MAST4: variants seen among roughly 807,000 people sequenced by gnomAD.
MAST4 encodes the protein microtubule associated serine/threonine kinase family member 4.
In MAST4, 89 loss-of-function variants were observed where a neutral mutation model predicts 162.7. The observed-to-expected ratio is 0.55, with a 90% confidence interval of 0.46 to 0.65. The LOEUF (loss-of-function observed/expected upper bound fraction) is 0.65. MAST4 is among the 30% of genes least tolerant of loss of function. MAST4 has a pLI of 0.00. For missense variants in MAST4, 3,153 were observed against 3,374.0 expected (o/e 0.93, Z 1.62); for synonymous variants, 1,479 against 1,361.1 (o/e 1.09, Z -1.91).
At chr5:66,710,864 T>C (rs1750452650) in intron 1 of MAST4, among the ~76,000 whole-genome samples, 1 of 152,236 alleles carries the variant, frequency 6.6e-6, no homozygotes, top group Non-Finnish European at 1.5e-5. Context: ...ATTTGTTCTT[T>C]ATGTATCATA....
At position 66,788,730 on chromosome 5, in the gene MAST4, C is replaced by G; in HGVS notation, c.578C>G (p.Ser193Cys). 1 of 1,613,382 alleles carries G rather than the reference C, an allele frequency of 6.2e-7. No individual in the cohort carries two copies. Among genetic ancestry groups the G allele is most frequent in the Non-Finnish European group, 8.5e-7 (1 of 1,179,530 alleles). Residue 193 changes from serine (S) to cysteine (C), a missense_variant, in exon 3 of 29, where the codon TCC (serine) becomes TGC (cysteine). Transcript: ENST00000403625. ...GQAWPASAET[S>C]NLVRMRSQAL... ...GCCTGGCCGGCCTCTGCAGAGACGT[C>G]CAACCTCGTGCGCATGCGCAGCCAG...
intron 3 of MAST4, among the ~76,000 whole-genome samples, chr5:66,854,403 C>T (rs1016089044): frequency 1.3e-5 from 2 of 152,164 alleles, no homozygotes; most frequent in Non-Finnish European, 2.9e-5. Flanking sequence ...TTTTGTGAAT[C>T]AGGAATCCAG....
chr5:67,041,872 G>T (rs565554344), intron 4 of MAST4, among the ~76,000 whole-genome samples: 2 of 152,280 alleles, frequency 1.3e-5, no homozygotes, highest in African/African-American at 4.8e-5. Context: ...CAAGTGATCT[G>T]CCTGCCTTGG....
chr5:67,069,318 T>C (rs929526968), intron 5 of MAST4, among the ~76,000 whole-genome samples: 1 of 71,026 alleles, frequency 1.4e-5, no homozygotes, highest in Non-Finnish European at 2.7e-5. Flanking sequence ...ATATAAAATT[T>C]TAAAATATTC....
intron 4 of MAST4, among the ~76,000 whole-genome samples, chr5:66,907,044 C>G (rs1252210534): frequency 6.6e-6 from 1 of 151,866 alleles, no homozygotes; most frequent in African/African-American, 2.4e-5. Context: ...TTCCTTAGTT[C>G]AACTAAAACT....
intron 3 of MAST4, among the ~76,000 whole-genome samples, chr5:66,821,226 G>T (rs1756979418): frequency 6.6e-6 from 1 of 152,224 alleles, no homozygotes; most frequent in Non-Finnish European, 1.5e-5. Flanking sequence ...TCCCTGGAAG[G>T]CAGACTGCCG....
intron 1 of MAST4, among the ~76,000 whole-genome samples, chr5:66,632,046 C>T (rs565690994): frequency 1.3e-5 from 2 of 152,212 alleles, no homozygotes; most frequent in East Asian, 3.9e-4. Flanking sequence ...CAGTGATATG[C>T]TTAAAATCAT....
intron 3 of MAST4, among the ~76,000 whole-genome samples, chr5:66,877,570 G>A (rs757810500): frequency 1.3e-4 from 20 of 152,182 alleles, no homozygotes; most frequent in East Asian, 1.9e-4. Context: ...AAGTGGAGAC[G>A]AGAGGTAGAA....
At chr5:66,810,858 G>A (rs1756441675) in intron 3 of MAST4, among the ~76,000 whole-genome samples, 1 of 152,212 alleles carries the variant, frequency 6.6e-6, no homozygotes, top group South Asian at 2.1e-4. Context: ...GCAGAGAGGG[G>A]AGGTAGCAAA....
intron 4 of MAST4, among the ~76,000 whole-genome samples, chr5:67,045,704 T>C (rs764840588): frequency 5.7e-4 from 87 of 152,314 alleles, no homozygotes; most frequent in Admixed American, 2.2e-3. Context: ...GAGCATAGAT[T>C]CAAGTTGCTC....
chr5:67,021,991 C>T (rs1023762602), intron 4 of MAST4, among the ~76,000 whole-genome samples: 1 of 152,144 alleles, frequency 6.6e-6, no homozygotes, highest in Non-Finnish European at 1.5e-5. Context: ...CTACTCCCTG[C>T]TTATTTTAAT....
chr5:67,049,065 A>ACG (rs1561576808), intron 4 of MAST4, among the ~76,000 whole-genome samples: 2 of 140,364 alleles, frequency 1.4e-5, no homozygotes, highest in African/African-American at 5.5e-5. Flanking sequence ...ATATACGTAT[A>ACG]TATATATATA....
chr5:67,067,286 A>G (rs1760362729), intron 5 of MAST4, among the ~76,000 whole-genome samples: 1 of 152,222 alleles, frequency 6.6e-6, no homozygotes, highest in Non-Finnish European at 1.5e-5. Context: ...CCTCCCAGTT[A>G]GCAGCAATTC....
At chr5:66,888,293 G>T (rs1215297852) in intron 3 of MAST4, among the ~76,000 whole-genome samples, 1 of 152,056 alleles carries the variant, frequency 6.6e-6, no homozygotes, top group Admixed American at 6.6e-5. Context: ...TTTAAGTGTT[G>T]TTTTTGCATT....
At chr5:67,124,527 C>T (rs1767977349) in intron 14 of MAST4, among the ~76,000 whole-genome samples, 1 of 152,088 alleles carries the variant, frequency 6.6e-6, no homozygotes, top group Admixed American at 6.5e-5. Context: ...CAAATTTCAA[C>T]ATGACGAGTA....
intron 23 of MAST4, among the ~76,000 whole-genome samples, chr5:67,146,172 C>T (rs574021108): frequency 6.6e-6 from 1 of 151,694 alleles, no homozygotes; most frequent in African/African-American, 2.4e-5. Flanking sequence ...TGGGAGGCAG[C>T]CAAGGGGGCT....
intron 3 of MAST4, among the ~76,000 whole-genome samples, chr5:66,885,761 C>G (rs1202306490): frequency 6.6e-6 from 1 of 152,150 alleles, no homozygotes. Context: ...AAATTTATTA[C>G]TAGTTTTCAT....
chr5:67,065,221 G>A (rs906021349), intron 5 of MAST4, among the ~76,000 whole-genome samples: 10 of 151,920 alleles, frequency 6.6e-5, no homozygotes, highest in African/African-American at 2.2e-4. Context: ...GAAAGTAAAA[G>A]GTACATTTAA....
rs1015189006 is a variant in MAST4 at position 66,622,196 on chromosome 5, A to G, written c.363+25178A>G. 2.6e-5 allele frequency among the ~76,000 whole-genome samples: 4 copies of G among 152,146 alleles called. No individual in the cohort carries two copies. In the South Asian group the frequency reaches 8.3e-4, roughly 31 times the overall value. On this transcript the variant is annotated intron_variant, in intron 1 of 28. Transcript: ENST00000403625. ...ATGTTTCCGTGAAAGTGACTTGTGT[A>G]AAGATTTGAACAAGATGATGTGTTT...
Sources: allele counts gnomAD v4.1 joint callset (sites outside exome capture counted in the v4.1 genomes callset), GRCh38; gene constraint gnomAD v4.1.1; transcripts MANE v1.5; gene names NCBI Gene and HGNC (gene_info 2026-07-23, HGNC 2026-07-21).